The following DYNC2H1 variants were observed in gnomAD, a reference collection of about 807,000 sequenced individuals.
The protein encoded by DYNC2H1 is cytoplasmic dynein 2 heavy chain 1.
A neutral mutation model predicts 570.0 loss-of-function variants in DYNC2H1; 410 were observed. The ratio of observed to expected loss-of-function variants is 0.72; its 90% CI spans 0.66 to 0.78. DYNC2H1 has a LOEUF of 0.78. Ranked by LOEUF, DYNC2H1 falls within the 30% of genes least tolerant of loss-of-function variation. DYNC2H1 has a pLI of 0.00. For synonymous variants in DYNC2H1, 1,688 were observed against 1,677.6 expected (o/e 1.01, Z -0.15); for missense variants, 4,865 against 5,046.4 (o/e 0.96, Z 1.09).
At position 103,200,072 on chromosome 11, in the gene DYNC2H1, A is replaced by G; in HGVS notation, c.8115A>G (p.Ala2705=). Reference sequence around the variant, plus strand: ...TGCTGCAACTTGCAGGAATTGAAGCACAACAGGTAGTTTTACTTCTTGAGG... The same window carrying G: ...TGCTGCAACTTGCAGGAATTGAAGCGCAACAGGTAGTTTTACTTCTTGAGG... ...KHVLQLAGIE[A]QQVVLLLEDY... Residue 2705 remains alanine, a synonymous_variant, in exon 50 of 89, where the codon GCA becomes GCG. Transcript: ENST00000375735. 6.3e-7 allele frequency: 1 copy of G among 1,588,304 alleles called. No homozygotes were observed. Among genetic ancestry groups the G allele is most frequent in the Non-Finnish European group, 8.6e-7 (1 of 1,165,622 alleles).
chr11:103,449,735 A>G (rs1944535922), intron 85 of DYNC2H1, among the ~76,000 whole-genome samples: 1 of 152,180 alleles, frequency 6.6e-6, no homozygotes, highest in Non-Finnish European at 1.5e-5. Context: ...AGCATGTTAG[A>G]GCCATAATTT....
At chr11:103,114,763 CTTTAA>C (rs1056175586) in intron 3 of DYNC2H1, among the ~76,000 whole-genome samples, 1 of 151,990 alleles carries the variant, frequency 6.6e-6, no homozygotes, top group Non-Finnish European at 1.5e-5. Flanking sequence ...TTTAAAGACA[CTTTAA>C]TTTGTGTATA....
Position 103,185,111 on chromosome 11 carries a change from T to A in DYNC2H1, c.6633+60T>A. The A allele has an allele frequency of 6.8e-7, 1 of 1,475,930 alleles. No homozygotes were observed. The highest frequency in any genetic ancestry group is 1.3e-5 in the South Asian group (1 of 75,352). 91.4% of individuals were successfully genotyped at this position (1,475,930 alleles called of 1,614,324 possible). A position where few individuals can be genotyped will look rare whatever the true frequency, so the allele number is the denominator to read the frequency against. ...CTTTAACTTTTCATTAACTCTTAACTGCCAAAACACAATGATTTGTAACTG... is the reference window on the plus strand; with the variant it reads ...CTTTAACTTTTCATTAACTCTTAACAGCCAAAACACAATGATTTGTAACTG... On this transcript the variant is annotated intron_variant, in intron 41 of 88. Transcript: ENST00000375735. This position sits in a 1 kb window ranked among gnomAD's most constrained non-coding sequence, Gnocchi z 4.5.
At position 103,122,083 on chromosome 11, in the gene DYNC2H1, T is replaced by C. The variant is rs190260367; in HGVS notation, c.1485+587T>C. Among the ~76,000 whole-genome samples, 1,233 of 152,328 alleles carry C rather than the reference T, an allele frequency of 8.1e-3. 7 individuals are homozygous for C. The highest frequency in any genetic ancestry group is 0.02 in the South Asian group (99 of 4,830). ...GTAATTATGGCATGGTCTAAGGTAG[T>C]GAGAACAATTTATAGATGTAAACGA... is the stretch of plus-strand genomic sequence containing the variant. On this transcript the variant is annotated intron_variant, in intron 10 of 88. Coordinates refer to ENST00000375735, the MANE Select transcript of DYNC2H1 (RefSeq NM_001377.3).
chr11:103,456,201 ATATCTT>A, intron 86 of DYNC2H1, 68 bp from the exon 87 acceptor site: 2 of 1,122,032 alleles, frequency 1.8e-6, no homozygotes, highest in Non-Finnish European at 2.6e-6. Flanking sequence ...AAATAGGACT[ATATCTT>A]CAGTTACTCT....
At chr11:103,401,630 G>A (rs763265632) in intron 84 of DYNC2H1, among the ~76,000 whole-genome samples, 7 of 152,122 alleles carry the variant, frequency 4.6e-5, no homozygotes, top group African/African-American at 7.2e-5. Context: ...CCTTGGGTAG[G>A]TTAATTAAGC....
In DYNC2H1 at chr11:103,176,416, T is replaced by A; in HGVS notation, c.5856T>A (p.Tyr1952Ter). The A allele has an allele frequency of 6.5e-7, 1 of 1,544,060 alleles. No individual in the cohort carries two copies. Among genetic ancestry groups the A allele is most frequent in the East Asian group, 2.4e-5 (1 of 41,522 alleles). The change falls in exon 37 of 89, where the codon TAT becomes TAA. Residue 1952 changes from tyrosine to a stop codon, truncating the protein, a stop_gained. Transcript: ENST00000375735. LOFTEE classifies it high-confidence loss of function. The stretch of plus-strand genomic sequence containing the variant: ...AGCAGGTCTTTGAAGAGGCCAATTA[T>A]GAAATTATACCCAATCAGGTAACTG... ...ALKQVFEEAN[Y>*]EIIPNQIKKA...
intron 43 of DYNC2H1, among the ~76,000 whole-genome samples, 163 bp downstream of exon 43, chr11:103,187,749 G>C (rs1446312625): frequency 6.6e-6 from 1 of 152,056 alleles, no homozygotes; most frequent in Non-Finnish European, 1.5e-5. Context: ...GTTCTTCTGT[G>C]ATTTTCCTTT....
At chr11:103,351,826 ATTTGT>A (rs1283765069) in intron 82 of DYNC2H1, among the ~76,000 whole-genome samples, 2 of 152,082 alleles carry the variant, frequency 1.3e-5, no homozygotes, top group Non-Finnish European at 2.9e-5. Context: ...TGAAAAAATT[ATTTGT>A]TTTAAAGAAT....
chr11:103,251,238 T>C (rs1240191790), intron 65 of DYNC2H1, among the ~76,000 whole-genome samples: 1 of 152,146 alleles, frequency 6.6e-6, no homozygotes, highest in African/African-American at 2.4e-5. Flanking sequence ...GTGACATCTT[T>C]CTATTCAGTT....
chr11:103,159,426 T>G (rs1860985490), intron 28 of DYNC2H1, among the ~76,000 whole-genome samples: 1 of 152,046 alleles, frequency 6.6e-6, no homozygotes, highest in Admixed American at 6.5e-5. Context: ...CTTATAGAGT[T>G]TAAGGTGTCC....
chr11:103,124,462 A>T (rs1858881983), intron 11 of DYNC2H1, among the ~76,000 whole-genome samples: 3 of 151,552 alleles, frequency 2.0e-5, no homozygotes, highest in Admixed American at 2.0e-4. Context: ...AAAAAAAAAA[A>T]AAAAAAGCAG....
intron 78 of DYNC2H1, among the ~76,000 whole-genome samples, chr11:103,308,265 G>A (rs1867398473): frequency 6.6e-6 from 1 of 152,022 alleles, no homozygotes; most frequent in Admixed American, 6.6e-5. Context: ...GTAAAATCAT[G>A]GATTATCTTT....
At chr11:103,142,629 A>T (rs1860012886) in intron 17 of DYNC2H1, among the ~76,000 whole-genome samples, 2 of 152,150 alleles carry the variant, frequency 1.3e-5, no homozygotes, top group Admixed American at 1.3e-4. Context: ...AGATCGCACC[A>T]CTGTACTCCA....
rs769618486 is a variant in DYNC2H1 at position 103,177,641 on chromosome 11, C to T, written c.5960C>T (p.Thr1987Met). 83 of 1,612,752 alleles carry T rather than the reference C, an allele frequency of 5.1e-5. No homozygotes were observed. The highest frequency in any genetic ancestry group is 2.9e-4 in the African/African-American group (22 of 74,752). Residue 1987 changes from threonine to methionine, a missense_variant, in exon 38 of 89, where the codon ACG (threonine) becomes ATG (methionine). Physicochemically the swap from Thr to Met is moderately conservative, Grantham distance 81. Around this residue, in one of 5 missense-constraint regions of DYNC2H1, gnomAD observed 231 missense variants for 310.3 expected, o/e 0.74. Coordinates refer to ENST00000375735, the MANE Select transcript of DYNC2H1 (RefSeq NM_001377.3). The surrounding 1 kb of genome is among the most constrained non-coding windows in gnomAD (Gnocchi z 4.4). ...IVGPSGAGKSTLWRMLRAALC... is the reference protein window; with the variant it reads ...IVGPSGAGKSMLWRMLRAALC... ...GGTCCAAGTGGTGCTGGAAAATCAACGCTTTGGAGAATGTTAAGGGCTGCG... is the reference window on the plus strand; with the variant it reads ...GGTCCAAGTGGTGCTGGAAAATCAATGCTTTGGAGAATGTTAAGGGCTGCG...
intron 75 of DYNC2H1, among the ~76,000 whole-genome samples, chr11:103,301,363 G>A (rs562246410): frequency 2.0e-4 from 31 of 152,002 alleles, no homozygotes; most frequent in African/African-American, 7.2e-4. Flanking sequence ...TCAAGGCCAT[G>A]TACATTTTTA....
chr11:103,297,724 CCT>C (rs1866893387), intron 75 of DYNC2H1, among the ~76,000 whole-genome samples: 1 of 152,054 alleles, frequency 6.6e-6, no homozygotes, highest in East Asian at 1.9e-4. Flanking sequence ...GTAATTCTTT[CCT>C]CTCTTTTCTT....
In DYNC2H1 at chr11:103,241,073, G is replaced by T. The variant is rs567846840; in HGVS notation, c.9820-2620G>T. On this transcript the variant is annotated intron_variant, in intron 63 of 88. Transcript: ENST00000375735. This position sits in a 1 kb window ranked among gnomAD's most constrained non-coding sequence, Gnocchi z 5.1. ...CTTCTTTGCCTAGCTGATCTCTCTT[G>T]TCTTAGTTTGACTTGAACTGTTTTC... is the stretch of plus-strand genomic sequence containing the variant. Among the ~76,000 whole-genome samples, 7 of 152,102 alleles carry T rather than the reference G, an allele frequency of 4.6e-5. No individual in the cohort carries two copies. The highest frequency in any genetic ancestry group is 1.0e-4 in the Non-Finnish European group (7 of 68,002).
At chr11:103,455,570 T>TA (rs1440100430) in intron 86 of DYNC2H1, among the ~76,000 whole-genome samples, 1 of 152,182 alleles carries the variant, frequency 6.6e-6, no homozygotes, top group Non-Finnish European at 1.5e-5. Flanking sequence ...TCCACTATGG[T>TA]AGCCAGAAGT....
Sources: allele counts gnomAD v4.1 joint callset (sites outside exome capture counted in the v4.1 genomes callset), GRCh38; gene constraint gnomAD v4.1.1; regional missense constraint gnomAD v4.1.1; non-coding constraint Gnocchi (gnomAD v3.1); transcripts MANE v1.5; gene names NCBI Gene and HGNC (gene_info 2026-07-23, HGNC 2026-07-21).